The following SGCD variants were observed in gnomAD, a reference collection of about 807,000 sequenced individuals.
SGCD encodes the protein sarcoglycan delta, also known as delta-sarcoglycan.
SGCD carries 18 observed loss-of-function variants against 36.6 expected under a neutral mutation model. The ratio of observed to expected loss-of-function variants is 0.49; its 90% CI spans 0.34 to 0.73. The LOEUF is 0.73. SGCD is among the 30% of genes least tolerant of loss of function. SGCD has a pLI of 0.01. For missense variants in SGCD, 387 were observed against 346.7 expected (o/e 1.12, Z -0.92); for synonymous variants, 133 against 130.6 (o/e 1.02, Z -0.12).
At chr5:156,501,738 C>T (rs1342346880) in intron 3 of SGCD, among the ~76,000 whole-genome samples, 8 of 152,112 alleles carry the variant, frequency 5.3e-5, no homozygotes, top group African/African-American at 4.8e-5. Context: ...AGTTGAGTAC[C>T]GCACCCTGTA....
intron 4 of SGCD, among the ~76,000 whole-genome samples, chr5:156,517,863 A>G (rs1371278006): frequency 6.6e-6 from 1 of 152,148 alleles, no homozygotes; most frequent in Admixed American, 6.5e-5. Flanking sequence ...GAAGGGAAAA[A>G]CTGTTACCAG....
At chr5:156,334,456 G>C (rs959473196) in intron 2 of SGCD, among the ~76,000 whole-genome samples, 15 of 152,144 alleles carry the variant, frequency 9.9e-5, no homozygotes, top group Non-Finnish European at 2.1e-4. Flanking sequence ...CAAGGACCAG[G>C]CTAGTTTTAT....
the SGCD span, among the ~76,000 whole-genome samples, chr5:155,782,244 C>A: frequency 6.6e-6 from 1 of 151,928 alleles, no homozygotes; most frequent in African/African-American, 2.4e-5. Flanking sequence ...AGGCTGGTCT[C>A]GAACTCCTGA....
chr5:155,873,066 G>A (rs940839247), intron 1 of SGCD, among the ~76,000 whole-genome samples: 1 of 152,078 alleles, frequency 6.6e-6, no homozygotes, highest in African/African-American at 2.4e-5. Flanking sequence ...TGTAGTTATT[G>A]CCCCTTCAGG....
intron 1 of SGCD, among the ~76,000 whole-genome samples, chr5:155,991,475 A>G (rs1387730664): frequency 6.6e-6 from 1 of 152,192 alleles, no homozygotes; most frequent in Non-Finnish European, 1.5e-5. Flanking sequence ...TGGCCAACAA[A>G]TTGATGGCTG....
intron 1 of SGCD, among the ~76,000 whole-genome samples, chr5:155,978,768 C>T (rs552950235): frequency 8.6e-5 from 13 of 151,710 alleles, no homozygotes; most frequent in Admixed American, 7.2e-4. Context: ...AAGTAACCTT[C>T]AGGAGCAGGG....
intron 1 of SGCD, among the ~76,000 whole-genome samples, chr5:156,091,369 C>T (rs1021411003): frequency 9.2e-5 from 14 of 152,202 alleles, no homozygotes; most frequent in African/African-American, 3.4e-4. Context: ...TATTTGCAGT[C>T]AGTGTAAATG....
chr5:156,577,549 C>G (rs976860967), intron 4 of SGCD, among the ~76,000 whole-genome samples: 1 of 152,160 alleles, frequency 6.6e-6, no homozygotes, highest in South Asian at 2.1e-4. Context: ...TATCCATGAG[C>G]GTGGAATGTT....
chr5:156,278,540 G>A (rs562401875), intron 3 of SGCD, among the ~76,000 whole-genome samples: 1 of 152,226 alleles, frequency 6.6e-6, no homozygotes, highest in South Asian at 2.1e-4. Context: ...GTGACTTGAT[G>A]GATTGAAAGA....
intron 3 of SGCD, among the ~76,000 whole-genome samples, chr5:156,193,395 T>G (rs1763940873): frequency 6.6e-6 from 1 of 152,168 alleles, no homozygotes; most frequent in South Asian, 2.1e-4. Flanking sequence ...TTTCTTATTT[T>G]GAGATAATGG....
chr5:155,734,449 C>A, the SGCD span, among the ~76,000 whole-genome samples: 1 of 151,962 alleles, frequency 6.6e-6, no homozygotes, highest in Non-Finnish European at 1.5e-5. Flanking sequence ...TGAGCTCAAG[C>A]AATCCTCCAT....
chr5:156,675,705 C>T (rs578056560), intron 7 of SGCD, among the ~76,000 whole-genome samples: 2 of 152,288 alleles, frequency 1.3e-5, no homozygotes, highest in African/African-American at 4.8e-5. Flanking sequence ...AGCATTCCTA[C>T]TGCAAAGAGT....
intron 3 of SGCD, among the ~76,000 whole-genome samples, chr5:156,453,126 G>A (rs1023922620): frequency 1.3e-5 from 2 of 152,132 alleles, no homozygotes; most frequent in African/African-American, 4.8e-5. Context: ...CATGAACTTA[G>A]AAACTGTGAT....
At chr5:155,803,470 A>G in the SGCD span, among the ~76,000 whole-genome samples, 1 of 152,144 alleles carries the variant, frequency 6.6e-6, no homozygotes, top group African/African-American at 2.4e-5. Context: ...TAAGAGGGGA[A>G]ATAAATGCTC....
At chr5:156,016,458 A>T (rs373874140) in intron 1 of SGCD, among the ~76,000 whole-genome samples, 1 of 152,164 alleles carries the variant, frequency 6.6e-6, no homozygotes, top group Non-Finnish European at 1.5e-5. Context: ...AGTCAAAATT[A>T]TACCAAAAAA....
chr5:156,716,921 T>C (rs1285555428), intron 7 of SGCD, among the ~76,000 whole-genome samples: 1 of 152,194 alleles, frequency 6.6e-6, no homozygotes, highest in East Asian at 1.9e-4. Context: ...TTTCTCCATA[T>C]TATGCTTTTT....
In SGCD at chr5:156,298,576, CTTTTTTT is replaced by C. The variant is rs924228753; in HGVS notation, c.-43-30944_-43-30938del. ...CATTTGTTAAGTCTTTTTTTCTTTT[CTTTTTTT>C]TTTTTTTTTTTTTGGAGACAGAGTT... On this transcript the variant is annotated intron_variant, in intron 3 of 9. Coordinates refer to the SGCD transcript ENST00000517913. Among the ~76,000 whole-genome samples the C allele has an allele frequency of 4.5e-5, 5 of 110,516 alleles. No homozygotes were observed. The South Asian group carries it at 1.2e-3, about 27-fold the overall frequency. 72.5% of individuals were successfully genotyped at this position (110,516 alleles called of 152,430 possible).
At chr5:156,669,653 T>C (rs1057447336) in intron 7 of SGCD, among the ~76,000 whole-genome samples, 21 of 152,210 alleles carry the variant, frequency 1.4e-4, no homozygotes, top group African/African-American at 4.8e-4. Flanking sequence ...CTTATGTGAC[T>C]TCATTGAGCT....
At chr5:156,197,502 G>T (rs1257242303) in intron 3 of SGCD, among the ~76,000 whole-genome samples, 1 of 137,888 alleles carries the variant, frequency 7.3e-6, no homozygotes, top group Non-Finnish European at 1.5e-5. Context: ...AAACAGCTTG[G>T]CCTTTATAGC....
Sources: allele counts gnomAD v4.1 joint callset (sites outside exome capture counted in the v4.1 genomes callset), GRCh38; gene constraint gnomAD v4.1.1; transcripts MANE v1.5; gene names NCBI Gene and HGNC (gene_info 2026-07-23, HGNC 2026-07-21).